The following MED15 variants were observed in gnomAD, a reference collection of about 807,000 sequenced individuals.
The protein encoded by MED15 is mediator of RNA polymerase II transcription subunit 15.
A neutral mutation model predicts 118.7 loss-of-function variants in MED15; 41 were observed. The observed-to-expected ratio is 0.35, with a 90% confidence interval of 0.27 to 0.45. The LOEUF (loss-of-function observed/expected upper bound fraction) is 0.45. MED15 is among the 20% of genes least tolerant of loss of function. The pLI, the probability that MED15 is intolerant of heterozygous loss-of-function variation, is 1.00. For synonymous variants in MED15, 436 were observed against 413.9 expected, an observed-to-expected ratio of 1.05 and a Z score of -0.65; for missense variants, 740 against 1,025.5, an observed-to-expected ratio of 0.72 and a Z score of 3.80.
At chr22:20,515,195 C>T (rs1437310609) in intron 1 of MED15, among the ~76,000 whole-genome samples, 6 of 152,198 alleles carry the variant, frequency 3.9e-5, no homozygotes, top group Admixed American at 1.3e-4. Flanking sequence ...TGACGTGCGG[C>T]AGGCATGCTA....
intron 1 of MED15, among the ~76,000 whole-genome samples, chr22:20,526,424 A>G (rs995201621): frequency 3.9e-5 from 6 of 152,118 alleles, no homozygotes; most frequent in African/African-American, 1.4e-4. Flanking sequence ...TTCCATCGCC[A>G]TTATCTCTGC....
intron 7 of MED15, 24 bp from the exon 8 acceptor site, chr22:20,568,497 C>G: frequency 6.2e-7 from 1 of 1,611,070 alleles, no homozygotes; most frequent in African/African-American, 1.3e-5. Flanking sequence ...GGTTCCAAAT[C>G]ACATTCTCTC....
At chr22:20,510,397 A>G (rs895722487) in intron 1 of MED15, among the ~76,000 whole-genome samples, 1 of 152,166 alleles carries the variant, frequency 6.6e-6, no homozygotes, top group Non-Finnish European at 1.5e-5. Context: ...AAACAAACAA[A>G]CAAAAAACAC....
intron 2 of MED15, among the ~76,000 whole-genome samples, chr22:20,544,137 A>G (rs970739142): frequency 6.6e-6 from 1 of 152,104 alleles, no homozygotes; most frequent in African/African-American, 2.4e-5. Flanking sequence ...CAAGTTCGTC[A>G]TTTCCTTTAA....
In MED15 at chr22:20,583,183, G is replaced by A. The variant is rs778541584; in HGVS notation, c.1608G>A (p.Leu536=). The A allele has an allele frequency of 4.8e-5, 77 of 1,611,368 alleles. No individual in the cohort carries two copies. In the Admixed American group the frequency reaches 1.3e-3, roughly 27 times the overall value. Residue 536 remains leucine (L), a synonymous_variant, in exon 12 of 18, where the codon CTG becomes CTA. Coordinates refer to ENST00000263205, the MANE Select transcript of MED15 (RefSeq NM_001003891.3). ...AGGAGCAGCAGTACCTGGACAAGCT[G>A]AAGCAGCTGTCGAAGTACATCGAGC... ...QAEEQQYLDK[L]KQLSKYIEPL...
At chr22:20,554,887 C>A (rs758436992) in intron 4 of MED15, 49 bp from the exon 5 acceptor site, 2 of 1,526,334 alleles carry the variant, frequency 1.3e-6, no homozygotes, top group South Asian at 1.2e-5. Flanking sequence ...GAGCCATGGT[C>A]AGTCTGGTAG....
At position 20,546,757 on chromosome 22, in the gene MED15, C is replaced by CA. The variant is rs149871798; in HGVS notation, c.157-4678dup. Among the ~76,000 whole-genome samples, 714 of 152,182 alleles carry CA rather than the reference C, an allele frequency of 4.7e-3. 4 individuals are homozygous for CA. Among genetic ancestry groups the CA allele is most frequent in the African/African-American group, 0.016 (683 of 41,496 alleles). On this transcript the variant is annotated intron_variant, in intron 2 of 17. Transcript: ENST00000263205. ...CTTAGATGGTCCCATCCTCATCTAG[C>CA]AGGAGCTCCTGTGTCTCTTGGGGCC...
intron 2 of MED15, among the ~76,000 whole-genome samples, chr22:20,537,665 C>T (rs996108502): frequency 2.6e-5 from 4 of 152,258 alleles, no homozygotes; most frequent in Non-Finnish European, 5.9e-5. Flanking sequence ...GAACTCGCCA[C>T]AGGTGGAGTG....
chr22:20,534,610 GC>G (rs1449578031), intron 1 of MED15, among the ~76,000 whole-genome samples: 1 of 152,172 alleles, frequency 6.6e-6, no homozygotes, highest in African/African-American at 2.4e-5. Context: ...CACAGATGAG[GC>G]AACCTTCAGA....
chr22:20,550,088 G>C (rs549533008), intron 2 of MED15, among the ~76,000 whole-genome samples: 1 of 152,278 alleles, frequency 6.6e-6, no homozygotes, highest in Non-Finnish European at 1.5e-5. Flanking sequence ...TGACCTGGCT[G>C]GCCCCCAGGC....
chr22:20,546,885 A>G (rs1055158083), intron 2 of MED15, among the ~76,000 whole-genome samples: 27 of 152,128 alleles, frequency 1.8e-4, no homozygotes, highest in Middle Eastern at 3.2e-3. Context: ...GTAAAGTGGC[A>G]TTTGGAGCAT....
At chr22:20,565,543 A>G (rs1244939412) in intron 6 of MED15, among the ~76,000 whole-genome samples, 1 of 152,200 alleles carries the variant, frequency 6.6e-6, no homozygotes, top group Non-Finnish European at 1.5e-5. Context: ...CTGCCCTCAC[A>G]GCAGGTCTTG....
At chr22:20,550,144 C>T (rs150551217) in intron 2 of MED15, among the ~76,000 whole-genome samples, 28 of 152,260 alleles carry the variant, frequency 1.8e-4, no homozygotes, top group Non-Finnish European at 3.1e-4. Flanking sequence ...TCCTGAGTGT[C>T]CTCAGGTTCC....
chr22:20,583,542 G>A (rs917940787), intron 13 of MED15, 149 bp downstream of exon 13: 25 of 879,450 alleles, frequency 2.8e-5, no homozygotes, highest in Non-Finnish European at 4.0e-5. Flanking sequence ...ACTCTGGTGT[G>A]TGCTGGGGCT....
chr22:20,551,252 G>T (rs760941474), intron 2 of MED15, 184 bp from the exon 3 acceptor site: 8 of 732,276 alleles, frequency 1.1e-5, no homozygotes, highest in Middle Eastern at 2.3e-4. Context: ...TTATTGGCCA[G>T]CCTAGCTGAG....
intron 2 of MED15, among the ~76,000 whole-genome samples, chr22:20,549,346 G>T (rs2146506736): frequency 6.6e-6 from 1 of 152,300 alleles, no homozygotes; most frequent in Admixed American, 6.5e-5. Context: ...GGGAGCTGGA[G>T]CAGACCAAGT....
rs376465756 is a variant in MED15, at chr22:20,566,769, G to A, written c.993G>A (p.Ala331=). 24 of 1,614,082 alleles carry A rather than the reference G, an allele frequency of 1.5e-5. No homozygotes were observed. The highest frequency in any genetic ancestry group is 3.3e-5 in the Admixed American group (2 of 60,010). The change falls in exon 7 of 18, where the codon GCG becomes GCA. Residue 331 remains alanine (A), a synonymous_variant. Transcript: ENST00000263205. ...AGACCCAGCCTTTGGTGTCACAGGC[G>A]CAAGCTCTCCCTGGACAAATGTTGT... ...QSQTQPLVSQ[A]QALPGQMLYT...
chr22:20,522,541 A>G (rs768802888), intron 1 of MED15, among the ~76,000 whole-genome samples: 2 of 152,202 alleles, frequency 1.3e-5, no homozygotes, highest in Non-Finnish European at 2.9e-5. Context: ...CCATGTGTGA[A>G]TGCTCGTATT....
intron 2 of MED15, among the ~76,000 whole-genome samples, chr22:20,549,524 C>G (rs538200897): frequency 6.6e-6 from 1 of 151,992 alleles, no homozygotes; most frequent in South Asian, 2.1e-4. Flanking sequence ...GGATCAGAGG[C>G]GCAGTTTCAG....
Sources: allele counts gnomAD v4.1 joint callset (sites outside exome capture counted in the v4.1 genomes callset), GRCh38; gene constraint gnomAD v4.1.1; transcripts MANE v1.5; gene names NCBI Gene and HGNC (gene_info 2026-07-23, HGNC 2026-07-21).